The following ADAM12 variants were observed in gnomAD, a reference collection of about 807,000 sequenced individuals.
ADAM12 encodes ADAM metallopeptidase domain 12.
Under a neutral mutation model 106.4 loss-of-function variants are expected in ADAM12, and 70 were observed. That is an observed-to-expected ratio of 0.66 (90% confidence interval 0.54 to 0.80). ADAM12 has a LOEUF of 0.80. ADAM12 is among the 30% of genes least tolerant of loss of function. The pLI, the probability that ADAM12 is intolerant of heterozygous loss-of-function variation, is 0.00. For synonymous variants in ADAM12, 420 were observed against 433.5 expected, an observed-to-expected ratio of 0.97 and a Z score of 0.39; for missense variants, 1,010 against 1,171.9, an observed-to-expected ratio of 0.86 and a Z score of 2.02.
intron 3 of ADAM12, among the ~76,000 whole-genome samples, chr10:126,267,383 T>C (rs1469349657): frequency 6.6e-6 from 1 of 152,212 alleles, no homozygotes; most frequent in African/African-American, 2.4e-5. Flanking sequence ...ATTATTACAT[T>C]GTAATATATA....
intron 1 of ADAM12, among the ~76,000 whole-genome samples, chr10:126,366,292 T>C (rs1029713691): frequency 3.9e-5 from 6 of 152,096 alleles, no homozygotes; most frequent in African/African-American, 1.4e-4. Flanking sequence ...AAAATAAAAC[T>C]ATAAAACTAC....
At chr10:126,035,218 T>TTTATA (rs1954037540) in intron 21 of ADAM12, among the ~76,000 whole-genome samples, 1 of 152,138 alleles carries the variant, frequency 6.6e-6, no homozygotes, top group South Asian at 2.1e-4. Flanking sequence ...AAAAAATATT[T>TTTATA]TTATATTATG....
intron 2 of ADAM12, among the ~76,000 whole-genome samples, chr10:126,291,255 C>T (rs1326093271): frequency 1.3e-5 from 2 of 152,102 alleles, no homozygotes; most frequent in African/African-American, 2.4e-5. Flanking sequence ...AGAAAAATAC[C>T]CCATTCATAT....
At chr10:126,349,068 C>T (rs1855258492) in intron 1 of ADAM12, among the ~76,000 whole-genome samples, 1 of 152,168 alleles carries the variant, frequency 6.6e-6, no homozygotes, top group Non-Finnish European at 1.5e-5. Context: ...GAATGCTTTA[C>T]ATTTAATTAT....
chr10:126,087,052 A>C (rs531942517), intron 11 of ADAM12, among the ~76,000 whole-genome samples: 5 of 152,022 alleles, frequency 3.3e-5, no homozygotes, highest in African/African-American at 4.8e-5. Context: ...AATTAAATTT[A>C]AAAAGTTCAT....
chr10:126,078,845 C>T (rs61866060), intron 11 of ADAM12, among the ~76,000 whole-genome samples: 45,796 of 151,704 alleles, frequency 0.3, 7,078 homozygotes, highest in South Asian at 0.42. Context: ...TATGATTCCA[C>T]GTTCAGGTAC....
intron 5 of ADAM12, among the ~76,000 whole-genome samples, chr10:126,134,352 A>T (rs1956366378): frequency 6.6e-6 from 1 of 152,214 alleles, no homozygotes; most frequent in African/African-American, 2.4e-5. Flanking sequence ...AGAATGATGT[A>T]TATGATGTGA....
chr10:126,189,218 T>C (rs1191305314), intron 3 of ADAM12, among the ~76,000 whole-genome samples: 1 of 152,080 alleles, frequency 6.6e-6, no homozygotes, highest in African/African-American at 2.4e-5. Flanking sequence ...TCACCAGGCA[T>C]AGAAAACCGA....
intron 5 of ADAM12, among the ~76,000 whole-genome samples, chr10:126,129,476 C>T (rs1302034549): frequency 6.6e-6 from 1 of 152,186 alleles, no homozygotes; most frequent in South Asian, 2.1e-4. Flanking sequence ...GGATTCTCTT[C>T]CCATCTCAGT....
intron 3 of ADAM12, among the ~76,000 whole-genome samples, chr10:126,278,642 C>T (rs10751544): frequency 0.94 from 142,928 of 152,250 alleles, 67,660 homozygotes; most frequent in East Asian, 1. Flanking sequence ...ATGCTTAAAT[C>T]AAATCTTTGA....
At chr10:126,148,492 GAAC>G (rs142567907) in intron 4 of ADAM12, among the ~76,000 whole-genome samples, 3 of 152,248 alleles carry the variant, frequency 2.0e-5, no homozygotes, top group African/African-American at 4.8e-5. Context: ...TTTAATTAGT[GAAC>G]AACATTGTTC....
chr10:126,298,955 A>G (rs1353298457), intron 2 of ADAM12, among the ~76,000 whole-genome samples: 35 of 152,244 alleles, frequency 2.3e-4, no homozygotes, highest in Admixed American at 2.2e-3. Flanking sequence ...ATTTGCAGAC[A>G]AGCAAAAATT....
intron 14 of ADAM12, among the ~76,000 whole-genome samples, chr10:126,055,293 A>G: frequency 6.6e-6 from 1 of 152,214 alleles, no homozygotes; most frequent in East Asian, 1.9e-4. Flanking sequence ...AAGAGGCAGC[A>G]GGCAACCCTG....
rs529377819 is a variant in ADAM12 at position 126,259,106 on chromosome 10, T to C, written c.260+19809A>G. Among the ~76,000 whole-genome samples the C allele has an allele frequency of 3.9e-5, 6 of 152,300 alleles. No individual in the cohort carries two copies. The South Asian group carries it at 6.2e-4, about 16-fold the overall frequency. Reference sequence around the variant, plus strand: ...CTGTAGTAAATGGTTTTATGGATTTTTGTATTTAATTCCTAAAACAACAGT... The same window carrying C: ...CTGTAGTAAATGGTTTTATGGATTTCTGTATTTAATTCCTAAAACAACAGT... On this transcript the variant is annotated intron_variant, in intron 3 of 22. Coordinates refer to ENST00000448723, the MANE Select transcript of ADAM12 (RefSeq NM_001288973.2).
chr10:126,137,625 T>A (rs1956429925), intron 4 of ADAM12, among the ~76,000 whole-genome samples: 1 of 152,226 alleles, frequency 6.6e-6, no homozygotes, highest in Non-Finnish European at 1.5e-5. Context: ...TTTATAGAAA[T>A]GGAATCATAC....
rs1480929082 is a variant in ADAM12 at position 126,046,092 on chromosome 10, C to A, written c.1958G>T (p.Gly653Val). ...GCACTGCATTGCACACTCGTGAACC[C>A]CAAAGACACTAATATTTTGACATTG... ...NRQCQNISVF[G>V]VHECAMQCHG... The change falls in exon 17 of 23, where the codon GGG becomes GTG. Residue 653 changes from glycine to valine, a missense_variant. Physicochemically the swap from Gly to Val is moderately radical, Grantham distance 109. Transcript: ENST00000448723. 6.2e-7 allele frequency: 1 copy of A among 1,614,164 alleles called. No individual in the cohort carries two copies. Among genetic ancestry groups the A allele is most frequent in the Admixed American group, 1.7e-5 (1 of 60,016 alleles).
chr10:126,121,100 TATTA>T (rs1293881033), intron 5 of ADAM12, among the ~76,000 whole-genome samples: 1 of 79,930 alleles, frequency 1.3e-5, no homozygotes, highest in African/African-American at 5.5e-5. Flanking sequence ...TAATATACTA[TATTA>T]TATATAGTAT....
chr10:126,239,466 G>C (rs1290411638), intron 3 of ADAM12, among the ~76,000 whole-genome samples: 2 of 152,086 alleles, frequency 1.3e-5, no homozygotes, highest in African/African-American at 4.8e-5. Context: ...CAACTTTCTG[G>C]AGTACTTGGG....
At chr10:126,310,026 G>T (rs1961013833) in intron 2 of ADAM12, among the ~76,000 whole-genome samples, 1 of 151,974 alleles carries the variant, frequency 6.6e-6, no homozygotes, top group Non-Finnish European at 1.5e-5. Context: ...AGGCATAGTG[G>T]CATGCGCCTG....
Sources: gnomAD v4.1 joint callset for allele counts (sites outside exome capture counted in the v4.1 genomes callset) on GRCh38, gnomAD v4.1.1 for gene constraint, MANE v1.5 for transcripts, NCBI Gene and HGNC (gene_info 2026-07-23, HGNC 2026-07-21) for gene names.